Variants in PYROXD2 observed in about 807,000 individuals in gnomAD.
PYROXD2 encodes the protein pyridine nucleotide-disulphide oxidoreductase domain 2, also known as pyridine nucleotide-disulfide oxidoreductase domain-containing protein 2.
A neutral mutation model predicts 71.1 loss-of-function variants in PYROXD2; 69 were observed. The ratio of observed to expected loss-of-function variants is 0.97; its 90% CI spans 0.80 to 1.19. The LOEUF is 1.19. Among genes scored for constraint, PYROXD2 ranks in the 50% most tolerant of loss-of-function variants. PYROXD2 has a pLI of 0.00. For missense variants in PYROXD2, 745 were observed against 748.9 expected (o/e 0.99, Z 0.06); for synonymous variants, 287 against 302.7 (o/e 0.95, Z 0.54).
At position 98,383,659 on chromosome 10, in the gene PYROXD2, G is replaced by GT. The variant is rs1564787783; in HGVS notation, c.*138dup. On this transcript the variant is annotated 3_prime_UTR_variant, in exon 16 of 16. Transcript: ENST00000370575. ...AACTTGCACTAAATGTAACTCGTAC[G>GT]TTTTTTCTAAAATAATTTCTTGAGC... is the stretch of plus-strand genomic sequence containing the variant. 1.4e-4 allele frequency: 107 copies of GT among 747,276 alleles called. 1 individual carries two copies. In the South Asian group the frequency reaches 1.6e-3, roughly 11 times the overall value. 46.3% of individuals were successfully genotyped at this position (747,276 alleles called of 1,614,324 possible).
intron 4 of PYROXD2, among the ~76,000 whole-genome samples, chr10:98,401,270 A>AC (rs1240808542): frequency 1.2e-4 from 18 of 146,844 alleles, no homozygotes; most frequent in South Asian, 4.2e-4. Flanking sequence ...AAAAAAACAA[A>AC]AAAAAACAAA....
At chr10:98,384,131 C>T (rs561493086) in intron 15 of PYROXD2, among the ~76,000 whole-genome samples, 2 of 150,034 alleles carry the variant, frequency 1.3e-5, no homozygotes, top group South Asian at 2.1e-4. Context: ...GATGGGCACA[C>T]GCTTAGTAAG....
At chr10:98,398,048 A>G (rs755727055) in intron 5 of PYROXD2, among the ~76,000 whole-genome samples, 1 of 151,738 alleles carries the variant, frequency 6.6e-6, no homozygotes, top group Non-Finnish European at 1.5e-5. Flanking sequence ...ACGCCCGGCT[A>G]ATTTTTGTAT....
intron 4 of PYROXD2, among the ~76,000 whole-genome samples, chr10:98,405,343 G>A (rs553510899): frequency 3.9e-5 from 6 of 152,320 alleles, no homozygotes; most frequent in African/African-American, 1.2e-4. Context: ...AGGGGCAGTG[G>A]TGCCAAAGCC....
chr10:98,395,046 G>A (rs1564799235), intron 8 of PYROXD2, 150 bp downstream of exon 8: 1 of 679,200 alleles, frequency 1.5e-6, no homozygotes, highest in Non-Finnish European at 2.6e-6. Flanking sequence ...GGGTTAAGTG[G>A]ATCGTGTGTG....
At chr10:98,390,451 G>T in intron 12 of PYROXD2, 147 bp downstream of exon 12, 1 of 922,796 alleles carries the variant, frequency 1.1e-6, no homozygotes, top group Non-Finnish European at 1.5e-6. Flanking sequence ...TGCACTTCCT[G>T]TCCTTAGGAG....
intron 5 of PYROXD2, among the ~76,000 whole-genome samples, chr10:98,397,984 G>A (rs1843255735): frequency 6.8e-6 from 1 of 147,558 alleles, no homozygotes; most frequent in African/African-American, 2.5e-5. Context: ...CCAGGTTCAA[G>A]TGATTCTCCT....
chr10:98,386,875 A>G (rs1286153531), intron 14 of PYROXD2, among the ~76,000 whole-genome samples: 2 of 152,068 alleles, frequency 1.3e-5, no homozygotes, highest in African/African-American at 2.4e-5. Flanking sequence ...AAGTCTGAGG[A>G]TGTGCTGCTG....
intron 12 of PYROXD2, among the ~76,000 whole-genome samples, chr10:98,390,362 C>G (rs1842905171): frequency 6.6e-6 from 1 of 152,188 alleles, no homozygotes; most frequent in South Asian, 2.1e-4. Context: ...GGGCAGTGCT[C>G]TGCCCCTCTG....
intron 1 of PYROXD2, 104 bp downstream of exon 1, chr10:98,414,905 G>C (rs1339515326): frequency 6.7e-7 from 1 of 1,495,170 alleles, no homozygotes; most frequent in Non-Finnish European, 9.0e-7. Flanking sequence ...TATGCCAGAG[G>C]AGAGAGCAGT....
At position 98,387,186 on chromosome 10, in the gene PYROXD2, T is replaced by C. The variant is rs750280110; in HGVS notation, c.1554+15A>G. 1.3e-6 allele frequency: 2 copies of C among 1,598,954 alleles called. No individual in the cohort carries two copies. Among genetic ancestry groups the C allele is most frequent in the Non-Finnish European group, 8.6e-7 (1 of 1,166,876 alleles). On this transcript the variant is annotated intron_variant, in intron 14 of 15. Coordinates refer to ENST00000370575, the MANE Select transcript of PYROXD2 (RefSeq NM_032709.3). ...GGGAAGGCTATGGTGAGAGACCCCC[T>C]AGGCTTATACATACCCCTCCAGGAA...
At chr10:98,388,207 G>A in intron 13 of PYROXD2, 147 bp downstream of exon 13, 1 of 759,690 alleles carries the variant, frequency 1.3e-6, no homozygotes, top group South Asian at 1.7e-5. Context: ...AGTCAACTAT[G>A]TTGACTTGAG....
In PYROXD2 at chr10:98,397,193, G is replaced by A. The variant is rs955614687; in HGVS notation, c.625+152C>T. On this transcript the variant is annotated intron_variant, in intron 6 of 15. Coordinates refer to ENST00000370575, the MANE Select transcript of PYROXD2 (RefSeq NM_032709.3). ...CAGCCTAAGATGCTCTCAACAAAGT[G>A]CTCCAGGCTGCCCCTAATTGATCGC... 3 of 1,036,352 alleles carry A rather than the reference G, an allele frequency of 2.9e-6. No individual in the cohort carries two copies. In the Admixed American group the frequency reaches 7.9e-5, roughly 27 times the overall value. The allele number at this position is 1,036,352 out of a possible 1,614,324, so 64.2% of individuals were successfully genotyped here.
chr10:98,397,524 C>T (rs375760970), intron 5 of PYROXD2, 26 bp from the exon 6 acceptor site: 2 of 1,562,542 alleles, frequency 1.3e-6, no homozygotes, highest in Non-Finnish European at 1.7e-6. Context: ...GCATTAAGGC[C>T]CCACTGTCCA....
intron 12 of PYROXD2, 87 bp from the exon 13 acceptor site, chr10:98,388,595 C>A: frequency 7.4e-7 from 1 of 1,347,442 alleles, no homozygotes. Flanking sequence ...ACAGTGGAGG[C>A]CCTGAGATGA....
chr10:98,412,950 G>A (rs1033297481), intron 1 of PYROXD2, among the ~76,000 whole-genome samples: 4 of 152,092 alleles, frequency 2.6e-5, no homozygotes, highest in African/African-American at 9.7e-5. Context: ...TTTGTGAGCC[G>A]GCTGTCAAAC....
intron 12 of PYROXD2, among the ~76,000 whole-genome samples, chr10:98,389,836 C>G (rs1842888745): frequency 7.9e-5 from 12 of 152,182 alleles, no homozygotes; most frequent in Admixed American, 7.9e-4. Context: ...ACTTTCTTGG[C>G]TTTGCTTGCT....
chr10:98,410,075 T>C (rs2182171), intron 2 of PYROXD2, among the ~76,000 whole-genome samples: 2 of 138,518 alleles, frequency 1.4e-5, no homozygotes, highest in Admixed American at 1.5e-4. Flanking sequence ...CAAAACTCCG[T>C]CTCAAAAAAA....
At chr10:98,399,310 T>A (rs944799925) in intron 5 of PYROXD2, among the ~76,000 whole-genome samples, 2 of 152,090 alleles carry the variant, frequency 1.3e-5, no homozygotes, top group African/African-American at 4.8e-5. Flanking sequence ...TGTACATGGG[T>A]TCTATTAACC....
Sources: gnomAD v4.1 joint callset for allele counts (sites outside exome capture counted in the v4.1 genomes callset) on GRCh38, gnomAD v4.1.1 for gene constraint, MANE v1.5 for transcripts, NCBI Gene and HGNC (gene_info 2026-07-23, HGNC 2026-07-21) for gene names.